The following CSMD1 variants were observed in gnomAD, a reference collection of about 807,000 sequenced individuals.
The protein encoded by CSMD1 is CUB and sushi domain-containing protein 1.
In CSMD1, 213 loss-of-function variants were observed where a neutral mutation model predicts 417.5. The observed-to-expected ratio is 0.51, with a 90% CI of 0.46 to 0.57. CSMD1 has a LOEUF of 0.57. CSMD1 is among the 20% of genes least tolerant of loss of function. The pLI is 0.00. For synonymous variants in CSMD1, 2,862 were observed against 1,736.8 expected (o/e 1.65, Z -16.11); for missense variants, 6,923 against 4,529.7 (o/e 1.53, Z -15.17).
chr8:3,941,604 T>C (rs1009231400), intron 5 of CSMD1, among the ~76,000 whole-genome samples: 5 of 152,144 alleles, frequency 3.3e-5, no homozygotes, highest in African/African-American at 1.2e-4. Flanking sequence ...AATAAGCATA[T>C]GGTAATTCAT....
chr8:3,796,198 A>G (rs570052115), intron 5 of CSMD1, among the ~76,000 whole-genome samples: 1 of 38,374 alleles, frequency 2.6e-5, no homozygotes, highest in South Asian at 1.0e-3. Context: ...AGATATAGAT[A>G]TATATCTATC....
chr8:4,445,509 T>C lies in CSMD1; in HGVS notation c.303-25444A>G, dbSNP rs151244411. ...CTTTGCTTTCATAAAGCCAATTTTA[T>C]ACTTCATTGGTTTTGTTTTCATTTG... On this transcript the variant is annotated intron_variant, in intron 2 of 69. Coordinates refer to ENST00000635120, the MANE Select transcript of CSMD1 (RefSeq NM_033225.6). 6.6e-5 allele frequency among the ~76,000 whole-genome samples: 10 copies of C among 152,358 alleles called. No individual in the cohort carries two copies. The South Asian group carries it at 1.0e-3, about 16-fold the overall frequency.
intron 1 of CSMD1, among the ~76,000 whole-genome samples, chr8:4,922,655 G>C (rs1563774484): frequency 1.3e-5 from 2 of 152,120 alleles, no homozygotes; most frequent in Non-Finnish European, 2.9e-5. Context: ...AGTTCACATG[G>C]TGCAGCCTGG....
intron 7 of CSMD1, among the ~76,000 whole-genome samples, chr8:3,687,351 T>A (rs757120081): frequency 2.0e-5 from 3 of 152,188 alleles, no homozygotes; most frequent in Non-Finnish European, 2.9e-5. Flanking sequence ...GCTGACTCTG[T>A]CCCCTTTCTA....
chr8:4,068,762 A>G (rs1186836493), intron 3 of CSMD1, among the ~76,000 whole-genome samples: 2 of 152,198 alleles, frequency 1.3e-5, no homozygotes, highest in African/African-American at 4.8e-5. Flanking sequence ...TAAAATAATG[A>G]TTTTCTGAAC....
intron 10 of CSMD1, among the ~76,000 whole-genome samples, chr8:3,564,653 AG>A (rs879922546): frequency 8.6e-5 from 13 of 151,508 alleles, no homozygotes; most frequent in African/African-American, 1.7e-4. Flanking sequence ...TAGTTCTGAA[AG>A]TTAAGAACTG....
chr8:4,528,081 T>C (rs1359827347), intron 2 of CSMD1, among the ~76,000 whole-genome samples: 1 of 152,202 alleles, frequency 6.6e-6, no homozygotes, highest in Non-Finnish European at 1.5e-5. Context: ...CAGCAGCATA[T>C]GCTTCAGATG....
chr8:4,333,550 T>G (rs1465028190), intron 3 of CSMD1, among the ~76,000 whole-genome samples: 1 of 152,190 alleles, frequency 6.6e-6, no homozygotes, highest in Non-Finnish European at 1.5e-5. Flanking sequence ...CATCAGGATA[T>G]GCACACCATG....
In CSMD1 at chr8:4,598,301, G is replaced by A. The variant is rs114482566; in HGVS notation, c.302+39041C>T. On this transcript the variant is annotated intron_variant, in intron 2 of 69. Transcript: ENST00000635120. Reference sequence around the variant, plus strand: ...GATTTGGATTTGCTATTTGAATTACGAATACTATGCTGAATTCCTAGCAGT... The same window carrying A: ...GATTTGGATTTGCTATTTGAATTACAAATACTATGCTGAATTCCTAGCAGT... 8.3e-3 allele frequency among the ~76,000 whole-genome samples: 1,259 copies of A among 152,230 alleles called. 18 individuals carry two copies. The highest frequency in any genetic ancestry group is 0.027 in the African/African-American group (1,126 of 41,542).
rs11395103 is a variant in CSMD1, at chr8:3,904,639, CTT to C, written c.818+93262_818+93263del. On this transcript the variant is annotated intron_variant, in intron 5 of 69. Transcript: ENST00000635120. Reference sequence around the variant, plus strand: ...TCTTTCTTTCTTTCTCGTTTTCTTTCTTTTTTTTTTTTTTTGAGATGAAGTCT... The same window carrying C: ...TCTTTCTTTCTTTCTCGTTTTCTTTCTTTTTTTTTTTTTGAGATGAAGTCT... 2.0e-3 allele frequency among the ~76,000 whole-genome samples: 263 copies of C among 133,080 alleles called. 1 individual carries two copies. Among genetic ancestry groups the C allele is most frequent in the Non-Finnish European group, 1.8e-3 (114 of 63,392 alleles). 87.3% of individuals were successfully genotyped at this position (133,080 alleles called of 152,430 possible).
rs1340084125 is a variant in CSMD1 at position 4,369,587 on chromosome 8, G to T, written c.415+50366C>A. ...GAGTGGTTGTCTAAGTCTGTCTGTA[G>T]ATCTCTATGAACTTGTTTTATGACT... is the stretch of plus-strand genomic sequence containing the variant. On this transcript the variant is annotated intron_variant, in intron 3 of 69. Transcript: ENST00000635120. Among the ~76,000 whole-genome samples the T allele has an allele frequency of 1.3e-5, 2 of 152,194 alleles. 1 individual carries two copies. The highest frequency in any genetic ancestry group is 1.3e-4 in the Admixed American group (2 of 15,276).
At chr8:3,326,734 G>T (rs769215879) in intron 23 of CSMD1, among the ~76,000 whole-genome samples, 1 of 152,138 alleles carries the variant, frequency 6.6e-6, no homozygotes, top group African/African-American at 2.4e-5. Flanking sequence ...TATTGGAATT[G>T]CTTAGACTGC....
At chr8:4,807,836 A>C (rs1241069926) in intron 1 of CSMD1, among the ~76,000 whole-genome samples, 5 of 152,168 alleles carry the variant, frequency 3.3e-5, no homozygotes, top group Non-Finnish European at 5.9e-5. Context: ...TAATAATAGC[A>C]AGCTATGTTA....
chr8:3,249,249 A>G (rs927678762), intron 26 of CSMD1, among the ~76,000 whole-genome samples: 1 of 151,366 alleles, frequency 6.6e-6, no homozygotes, highest in Non-Finnish European at 1.5e-5. Context: ...TGAGATAGAG[A>G]CTCACTCTGT....
chr8:4,065,886 A>T lies in CSMD1; in HGVS notation c.416-33787T>A, dbSNP rs925857212. Among the ~76,000 whole-genome samples the T allele has an allele frequency of 2.0e-5, 3 of 152,206 alleles. No individual in the cohort carries two copies. The East Asian group carries it at 5.8e-4, about 29-fold the overall frequency. On this transcript the variant is annotated intron_variant, in intron 3 of 69. Transcript: ENST00000635120. ...TTTCCTTCACTGTCTTCCATAAGAA[A>T]GACTGCTCAAAGAAGAACAAAGTGG...
chr8:3,023,878 G>A (rs1458702274), intron 51 of CSMD1, among the ~76,000 whole-genome samples: 7 of 147,354 alleles, frequency 4.8e-5, no homozygotes, highest in African/African-American at 1.8e-4. Flanking sequence ...AAAGGAAAAT[G>A]ACTGCTCCTT....
At chr8:4,735,703 T>G (rs1039773757) in intron 1 of CSMD1, among the ~76,000 whole-genome samples, 1 of 152,200 alleles carries the variant, frequency 6.6e-6, no homozygotes, top group Non-Finnish European at 1.5e-5. Flanking sequence ...TGACATCTTC[T>G]TGCTTTTATC....
rs1339976712 is a variant in CSMD1, at chr8:4,105,624, A to C, written c.416-73525T>G. Among the ~76,000 whole-genome samples, 3 of 152,222 alleles carry C rather than the reference A, an allele frequency of 2.0e-5. No homozygotes were observed. In the East Asian group the frequency reaches 5.8e-4, roughly 29 times the overall value. On this transcript the variant is annotated intron_variant, in intron 3 of 69. Transcript: ENST00000635120. ...CAGCAGAAGAGGAAACAGGGAAAGC[A>C]AAGGGGATTGGAGTAGCAGGTGGAA...
At chr8:4,329,486 C>G (rs1195064789) in intron 3 of CSMD1, among the ~76,000 whole-genome samples, 1 of 152,134 alleles carries the variant, frequency 6.6e-6, no homozygotes, top group African/African-American at 2.4e-5. Context: ...CGGCATTTCA[C>G]CACGTTGGCC....
Sources: allele counts gnomAD v4.1 joint callset (sites outside exome capture counted in the v4.1 genomes callset), GRCh38; gene constraint gnomAD v4.1.1; transcripts MANE v1.5; gene names NCBI Gene and HGNC (gene_info 2026-07-23, HGNC 2026-07-21).